Variants in ZNF410 observed in about 807,000 individuals in gnomAD.
ZNF410 encodes another partner for ARF 1.
ZNF410 carries 18 observed loss-of-function variants against 54.8 expected under a neutral mutation model. That is an observed-to-expected ratio of 0.33 (90% CI 0.23 to 0.49). The LOEUF is 0.49. Among genes scored for constraint, ZNF410 ranks in the 20% least tolerant of loss-of-function variants. ZNF410 has a pLI of 0.99. For missense variants in ZNF410, 405 were observed against 569.6 expected (o/e 0.71, Z 2.94); for synonymous variants, 191 against 207.3 (o/e 0.92, Z 0.68).
intron 4 of ZNF410, among the ~76,000 whole-genome samples, chr14:73,897,839 G>A (rs535248916): frequency 1.3e-5 from 2 of 152,010 alleles, no homozygotes; most frequent in African/African-American, 2.4e-5. Flanking sequence ...GGGCGTGGTG[G>A]TGCATGCCTG....
chr14:73,915,715 TC>T lies in ZNF410; in HGVS notation c.1004-5263del, dbSNP rs1594760850. ...TCAGATGAAGGAATTTACCTTCTCT[TC>T]CTAGTATGTTGAGAATTTTTATTAT... On this transcript the variant is annotated intron_variant, in intron 8 of 11. Coordinates refer to ENST00000555044, the MANE Select transcript of ZNF410 (RefSeq NM_021188.3). The T allele has an allele frequency of 3.3e-5, 5 of 152,320 alleles. No homozygotes were observed. In the South Asian group the frequency reaches 1.0e-3, roughly 32 times the overall value. The allele number at this position is 152,320 out of a possible 1,614,324, so 9.4% of individuals were successfully genotyped here.
At chr14:73,908,695 T>C (rs2140310016) in intron 7 of ZNF410, among the ~76,000 whole-genome samples, 1 of 152,362 alleles carries the variant, frequency 6.6e-6, no homozygotes, top group African/African-American at 2.4e-5. Context: ...CCTTCCATCC[T>C]TGTCATCTTT....
rs1167580758 is a variant in ZNF410 at position 73,897,990 on chromosome 14, A to AAAG, written c.389-81_389-80insAAG. 9.3e-6 allele frequency: 11 copies of AAAG among 1,187,496 alleles called. No individual in the cohort carries two copies. The East Asian group carries it at 9.9e-5, about 11-fold the overall frequency. The allele number at this position is 1,187,496 out of a possible 1,614,324, so 73.6% of individuals were successfully genotyped here. A position where few individuals can be genotyped will look rare whatever the true frequency, so the allele number is the denominator to read the frequency against. On this transcript the variant is annotated intron_variant, in intron 4 of 11. Coordinates refer to ENST00000555044, the MANE Select transcript of ZNF410 (RefSeq NM_021188.3). ...CCGTCTCAAAAAAAAAAAAAAAAAA[A>AAAG]GGGACATGGAGAGTCTCTGAGCCAG... is the stretch of plus-strand genomic sequence containing the variant.
intron 11 of ZNF410, among the ~76,000 whole-genome samples, chr14:73,930,334 A>G (rs1032408754): frequency 4.6e-5 from 7 of 152,118 alleles, no homozygotes; most frequent in African/African-American, 1.7e-4. Flanking sequence ...CTTAAAAAAA[A>G]GTTTTTTTGG....
rs187830809 is a variant in ZNF410 at position 73,901,344 on chromosome 14, G to A, written c.581-2616G>A. On this transcript the variant is annotated intron_variant, in intron 5 of 11. Transcript: ENST00000555044. The stretch of plus-strand genomic sequence containing the variant: ...CCAGCACTTTGGGAGGCCAAGGTGG[G>A]CAGATCACTGGAGGTCAGGAGTTCA... Among the ~76,000 whole-genome samples, 8 of 152,060 alleles carry A rather than the reference G, an allele frequency of 5.3e-5. No individual in the cohort carries two copies. The South Asian group carries it at 6.2e-4, about 12-fold the overall frequency.
Position 73,903,769 on chromosome 14 carries a change from T to TG in ZNF410, c.581-188dup. 8.4e-6 allele frequency: 6 copies of TG among 710,474 alleles called. No homozygotes were observed. In the South Asian group the frequency reaches 1.3e-4, roughly 16 times the overall value. 44.0% of individuals were successfully genotyped at this position (710,474 alleles called of 1,614,324 possible). On this transcript the variant is annotated intron_variant, in intron 5 of 11. Transcript: ENST00000555044. ...TCCCACCTTGGCTTCCCAAAGTGCT[T>TG]GGGATTATAGGTGTGAGCACCATGC...
intron 5 of ZNF410, among the ~76,000 whole-genome samples, chr14:73,901,593 A>T (rs987213907): frequency 2.6e-5 from 4 of 151,918 alleles, no homozygotes; most frequent in African/African-American, 9.7e-5. Context: ...TATAAAACGG[A>T]ATCCAGAAAG....
chr14:73,930,326 TA>T (rs1051285342), intron 11 of ZNF410, among the ~76,000 whole-genome samples: 7 of 151,964 alleles, frequency 4.6e-5, no homozygotes, highest in African/African-American at 1.5e-4. Flanking sequence ...ATTAAACTCT[TA>T]AAAAAAAGTT....
intron 3 of ZNF410, chr14:73,895,400 C>CAA (rs2055301147): frequency 6.6e-6 from 1 of 152,096 alleles, no homozygotes; most frequent in Non-Finnish European, 1.5e-5. Context: ...TATGACCCAG[C>CAA]AATCTCACTT....
At chr14:73,897,320 A>G (rs1289850936) in intron 4 of ZNF410, among the ~76,000 whole-genome samples, 1 of 152,182 alleles carries the variant, frequency 6.6e-6, no homozygotes, top group Non-Finnish European at 1.5e-5. Flanking sequence ...GGAACAGGGA[A>G]GAAGGTAAAT....
intron 5 of ZNF410, chr14:73,898,629 GT>G (rs75896997): frequency 0.5 from 157,221 of 311,514 alleles, 40,575 homozygotes; most frequent in South Asian, 0.6. Context: ...AATCAAAACA[GT>G]TTTTATCAGT....
intron 8 of ZNF410, chr14:73,909,729 C>T (rs978412465): frequency 4.2e-6 from 1 of 235,574 alleles, no homozygotes; most frequent in African/African-American, 2.3e-5. Context: ...AACATGGACC[C>T]TCTTCTTTAG....
At chr14:73,907,783 C>T (rs2055513333) in intron 7 of ZNF410, among the ~76,000 whole-genome samples, 1 of 151,710 alleles carries the variant, frequency 6.6e-6, no homozygotes, top group South Asian at 2.1e-4. Flanking sequence ...ATCCCAGCTA[C>T]TAGGGAGGCT....
chr14:73,928,166 G>C (rs541463717), intron 11 of ZNF410, among the ~76,000 whole-genome samples: 6 of 152,238 alleles, frequency 3.9e-5, no homozygotes, highest in African/African-American at 1.2e-4. Context: ...AGTGTAGTAC[G>C]TTCCAGTCTT....
intron 7 of ZNF410, among the ~76,000 whole-genome samples, chr14:73,905,966 CACAT>C (rs780771756): frequency 0.3 from 19,933 of 66,056 alleles, 1,923 homozygotes; most frequent in Non-Finnish European, 0.4. Flanking sequence ...CACACACACA[CACAT>C]ATATATATAT....
rs1447871446 is a variant in ZNF410, at chr14:73,896,325, C to G, written c.179C>G (p.Thr60Arg). Residue 60 changes from threonine (T) to arginine (R), a missense_variant, in exon 4 of 12, where the codon ACA becomes AGA. Thr to Arg is a moderately conservative substitution (Grantham distance 71, BLOSUM62 -1). Coordinates refer to ENST00000555044, the MANE Select transcript of ZNF410 (RefSeq NM_021188.3). ...ATTTTCCCTTTACTAGATGATACTA[C>G]AAATCATTCTAACTCCTCCAAGGAG... is the stretch of plus-strand genomic sequence containing the variant. ...CSRLMLPDDT[T>R]NHSNSSKEVP... The G allele has an allele frequency of 6.2e-7, 1 of 1,613,922 alleles. No individual in the cohort carries two copies. The highest frequency in any genetic ancestry group is 1.1e-5 in the South Asian group (1 of 91,074).
rs775786370 is a variant in ZNF410, at chr14:73,896,401, C to G, written c.255C>G (p.Asp85Glu). The G allele has an allele frequency of 6.2e-7, 1 of 1,614,052 alleles. No individual in the cohort carries two copies. The highest frequency in any genetic ancestry group is 8.5e-7 in the Non-Finnish European group (1 of 1,180,042). Residue 85 changes from aspartate (D) to glutamate (E), a missense_variant, in exon 4 of 12, where the codon GAC (aspartate) becomes GAG (glutamate). Physicochemically the swap from Asp to Glu is conservative, Grantham distance 45 (BLOSUM62 2). This residue lies in a region of ZNF410 where 247 missense variants were observed against 342.8 expected (regional missense o/e 0.72). Transcript: ENST00000555044. The part of the protein sequence containing the change: ...LRSLRVNVGP[D>E]GEETRAQTVQ... The stretch of plus-strand genomic sequence containing the variant: ...GCCTTCGGGTGAATGTGGGTCCAGA[C>G]GGAGAGGAGACGAGAGCTCAGACTG...
At chr14:73,926,380 C>CTTT (rs34301902) in intron 11 of ZNF410, among the ~76,000 whole-genome samples, 21 of 151,190 alleles carry the variant, frequency 1.4e-4, no homozygotes, top group Middle Eastern at 3.4e-3. Context: ...TATAATAGTC[C>CTTT]TTTTTTTTCA....
chr14:73,893,750 C>A, intron 2 of ZNF410, 47 bp from the exon 3 acceptor site: 1 of 1,565,700 alleles, frequency 6.4e-7, no homozygotes, highest in Non-Finnish European at 8.6e-7. Context: ...GGTTTAGATA[C>A]ATTTCTAACA....
Sources: gnomAD v4.1 joint callset for allele counts (sites outside exome capture counted in the v4.1 genomes callset) on GRCh38, gnomAD v4.1.1 for gene constraint, gnomAD v4.1.1 regional missense constraint, MANE v1.5 for transcripts, NCBI Gene and HGNC (gene_info 2026-07-23, HGNC 2026-07-21) for gene names.